Variants in CENPF observed in about 807,000 individuals in gnomAD.
CENPF encodes AH antigen.
Under a neutral mutation model 307.3 loss-of-function variants are expected in CENPF, and 214 were observed. The ratio of observed to expected loss-of-function variants is 0.70; its 90% CI spans 0.62 to 0.78. The LOEUF is 0.78. Ranked by LOEUF, CENPF falls within the 30% of genes least tolerant of loss-of-function variation. The pLI is 0.00. For missense variants in CENPF, 3,401 were observed against 3,483.9 expected, an observed-to-expected ratio of 0.98 and a Z score of 0.60; for synonymous variants, 1,259 against 1,270.6, an observed-to-expected ratio of 0.99 and a Z score of 0.19.
intron 5 of CENPF, among the ~76,000 whole-genome samples, chr1:214,620,210 T>A (rs558259626): frequency 6.6e-6 from 1 of 152,326 alleles, no homozygotes; most frequent in East Asian, 1.9e-4. Context: ...TTTTTTGGGA[T>A]AGTGATATGG....
At position 214,629,074 on chromosome 1, in the gene CENPF, A is replaced by T. The variant is rs767479446; in HGVS notation, c.1097A>T (p.Lys366Ile). The stretch of plus-strand genomic sequence containing the variant: ...ACTGCATTGGAACAAAAACTGAAAA[A>T]ATTGACGGAAGATTTGAGTTGTCAG... ...KYTALEQKLKKLTEDLSCQRQ... is the reference protein window; with the variant it reads ...KYTALEQKLKILTEDLSCQRQ... Residue 366 changes from lysine (K) to isoleucine (I), a missense_variant, in exon 8 of 20, where the codon AAA becomes ATA. Physicochemically the swap from Lys to Ile is moderately radical, Grantham distance 102. Coordinates refer to ENST00000366955, the MANE Select transcript of CENPF (RefSeq NM_016343.4). The T allele has an allele frequency of 1.9e-6, 3 of 1,610,996 alleles. No individual in the cohort carries two copies. Among genetic ancestry groups the T allele is most frequent in the African/African-American group, 1.3e-5 (1 of 74,866 alleles).
In CENPF at chr1:214,644,640, T is replaced by C; in HGVS notation, c.5070T>C (p.Val1690=). ...ETTERTPKHD[V]HQICDKDAQQ... Reference sequence around the variant, plus strand: ...CAGAAAGAACACCAAAGCATGATGTTCATCAGATTTGTGATAAAGATGCTC... The same window carrying C: ...CAGAAAGAACACCAAAGCATGATGTCCATCAGATTTGTGATAAAGATGCTC... The change falls in exon 13 of 20, where the codon GTT becomes GTC. Residue 1690 remains valine, a synonymous_variant. Coordinates refer to ENST00000366955, the MANE Select transcript of CENPF (RefSeq NM_016343.4). The C allele has an allele frequency of 6.2e-7, 1 of 1,614,072 alleles. No homozygotes were observed. The highest frequency in any genetic ancestry group is 8.5e-7 in the Non-Finnish European group (1 of 1,179,970).
Position 214,647,096 on chromosome 1 carries a change from AAGT to A in CENPF, c.7529_7531del (p.Val2510del). On this transcript the variant is annotated inframe_deletion, in exon 13 of 20. Coordinates refer to ENST00000366955, the MANE Select transcript of CENPF (RefSeq NM_016343.4). ...TCTTCAGTGAATGGCCTCATTCAAGAAGTAGAAGATGGCAAGCAGAAACTGGAG... is the reference window on the plus strand; with the variant it reads ...TCTTCAGTGAATGGCCTCATTCAAGAAGAAGATGGCAAGCAGAAACTGGAG... The A allele has an allele frequency of 6.2e-7, 1 of 1,614,066 alleles. No homozygotes were observed. Among genetic ancestry groups the A allele is most frequent in the Non-Finnish European group, 8.5e-7 (1 of 1,179,972 alleles).
chr1:214,630,627 A>C lies in CENPF; in HGVS notation c.1288A>C (p.Asn430His). The change falls in exon 9 of 20, where the codon AAT becomes CAT. Residue 430 changes from asparagine to histidine, a missense_variant. Physicochemically the swap from Asn to His is moderately conservative, Grantham distance 68. Coordinates refer to ENST00000366955, the MANE Select transcript of CENPF (RefSeq NM_016343.4). Reference sequence around the variant, plus strand: ...CACCCAGGAGTTACAGCAAGCCAAGAATATGCACAACGTCCTGCAGGCTGA... The same window carrying C: ...CACCCAGGAGTTACAGCAAGCCAAGCATATGCACAACGTCCTGCAGGCTGA... ...RLTQELQQAK[N>H]MHNVLQAELD... The C allele has an allele frequency of 6.2e-7, 1 of 1,614,180 alleles. No individual in the cohort carries two copies. The highest frequency in any genetic ancestry group is 8.5e-7 in the Non-Finnish European group (1 of 1,180,018).
In CENPF at chr1:214,645,871, G is replaced by A. The variant is rs1312123322; in HGVS notation, c.6301G>A (p.Gly2101Ser). ...KALEAALVEK[G>S]EFALRLSSTQ... ...CTTGGAGGCCGCACTGGTGGAGAAA[G>A]GTGAGTTCGCATTGAGGCTGAGCTC... The change falls in exon 13 of 20, where the codon GGT (glycine) becomes AGT (serine). Residue 2101 changes from glycine to serine, a missense_variant. Coordinates refer to ENST00000366955, the MANE Select transcript of CENPF (RefSeq NM_016343.4). The A allele has an allele frequency of 1.9e-6, 3 of 1,614,032 alleles. No individual in the cohort carries two copies. Among genetic ancestry groups the A allele is most frequent in the Admixed American group, 3.3e-5 (2 of 59,992 alleles).
Position 214,663,790 on chromosome 1 carries a change from A to G in CENPF, c.9341A>G (p.Gln3114Arg). The G allele has an allele frequency of 6.2e-7, 1 of 1,613,486 alleles. No homozygotes were observed. Among genetic ancestry groups the G allele is most frequent in the Non-Finnish European group, 8.5e-7 (1 of 1,179,672 alleles). ...ESNGSENCKV[Q>R] ...AACGGCAGTGAGAACTGTAAGGTCC[A>G]GTGAAGGCACTTTGTGTGTCAGTAC... is the stretch of plus-strand genomic sequence containing the variant. The change falls in exon 20 of 20, where the codon CAG becomes CGG. Residue 3114 changes from glutamine to arginine, a missense_variant. By Grantham distance (43) the Gln-to-Arg change is conservative. Coordinates refer to ENST00000366955, the MANE Select transcript of CENPF (RefSeq NM_016343.4).
chr1:214,640,443 A>G lies in CENPF; in HGVS notation c.2105A>G (p.Glu702Gly). 6.2e-7 allele frequency: 1 copy of G among 1,614,092 alleles called. No individual in the cohort carries two copies. ...GAGACCCAGAAACTAGCTTATATGG[A>G]GCTACAGCAGAAAGCTGAGTTCTCA... ...EVETQKLAYM[E>G]LQQKAEFSDQ... The change falls in exon 12 of 20, where the codon GAG (glutamate) becomes GGG (glycine). Residue 702 changes from glutamate (E) to glycine (G), a missense_variant. Coordinates refer to ENST00000366955, the MANE Select transcript of CENPF (RefSeq NM_016343.4).
chr1:214,642,640 G>A lies in CENPF; in HGVS notation c.4302G>A (p.Glu1434=). The change falls in exon 12 of 20, where the codon GAG becomes GAA. Residue 1434 remains glutamate, a synonymous_variant. Coordinates refer to ENST00000366955, the MANE Select transcript of CENPF (RefSeq NM_016343.4). The stretch of plus-strand genomic sequence containing the variant: ...GTCAGATGAGCTCTAAAATGTCAGA[G>A]CTGCAGACCTATGTTGACTCATTAA... ...QHCQMSSKMS[E]LQTYVDSLKA... is the part of the protein sequence containing the mutation. The A allele has an allele frequency of 6.2e-7, 1 of 1,613,912 alleles. No individual in the cohort carries two copies. Among genetic ancestry groups the A allele is most frequent in the Middle Eastern group, 1.7e-4 (1 of 6,056 alleles).
intron 1 of CENPF, chr1:214,605,894 T>G (rs1350657728): frequency 1.2e-5 from 19 of 1,597,222 alleles, no homozygotes; most frequent in Non-Finnish European, 1.5e-5. Context: ...GGACACCTTC[T>G]CGATGTTAGG....
chr1:214,604,106 C>T (rs1174402352), intron 1 of CENPF, among the ~76,000 whole-genome samples: 1 of 152,120 alleles, frequency 6.6e-6, no homozygotes, highest in African/African-American at 2.4e-5. Context: ...AGCCTTGGTA[C>T]AGTGCACGGG....
At chr1:214,630,434 G>C (rs943164951) in intron 8 of CENPF, 100 bp from the exon 9 acceptor site, 1 of 1,429,480 alleles carries the variant, frequency 7.0e-7, no homozygotes, top group Non-Finnish European at 9.6e-7. Flanking sequence ...GCTGTCTCCT[G>C]TGCTCTCTGT....
chr1:214,605,746 G>C (rs1240008564), intron 1 of CENPF: 3 of 1,594,202 alleles, frequency 1.9e-6, no homozygotes, highest in Non-Finnish European at 2.5e-6. Context: ...TGTAGAGCTC[G>C]ATGTCGTTGT....
At position 214,645,148 on chromosome 1, in the gene CENPF, G is replaced by C; in HGVS notation, c.5578G>C (p.Val1860Leu). Residue 1860 changes from valine to leucine, a missense_variant, in exon 13 of 20, where the codon GTA becomes CTA. Transcript: ENST00000366955. ...TGATCACCAGGAGTTACTCCAGAGAGTAGAAACTTCTGAAGGCCTCAATTC... is the reference window on the plus strand; with the variant it reads ...TGATCACCAGGAGTTACTCCAGAGACTAGAAACTTCTGAAGGCCTCAATTC... ...SCDHQELLQR[V>L]ETSEGLNSDL... 1 of 1,613,982 alleles carries C rather than the reference G, an allele frequency of 6.2e-7. No homozygotes were observed. Among genetic ancestry groups the C allele is most frequent in the Non-Finnish European group, 8.5e-7 (1 of 1,179,990 alleles).
chr1:214,615,977 A>G (rs1193675672), intron 3 of CENPF, among the ~76,000 whole-genome samples: 1 of 152,066 alleles, frequency 6.6e-6, no homozygotes, highest in African/African-American at 2.4e-5. Context: ...TGGTTTTAAA[A>G]TTTACACTGC....
In CENPF at chr1:214,648,752, A is replaced by G. The variant is rs756543150; in HGVS notation, c.7908A>G (p.Gln2636=). The stretch of plus-strand genomic sequence containing the variant: ...TGGCACAGAAAACAGCAGAGCTGCA[A>G]GAAGAACTCAGTGGAGAGAAAAATA... The part of the protein sequence containing the change: ...HEMAQKTAEL[Q]EELSGEKNRL... The change falls in exon 14 of 20, where the codon CAA becomes CAG. Residue 2636 remains glutamine (Q), a synonymous_variant. Coordinates refer to ENST00000366955, the MANE Select transcript of CENPF (RefSeq NM_016343.4). 10 of 1,613,932 alleles carry G rather than the reference A, an allele frequency of 6.2e-6. No individual in the cohort carries two copies. Among genetic ancestry groups the G allele is most frequent in the Non-Finnish European group, 8.5e-6 (10 of 1,179,942 alleles).
chr1:214,610,943 T>C (rs1477482666), intron 1 of CENPF, among the ~76,000 whole-genome samples: 1 of 152,222 alleles, frequency 6.6e-6, no homozygotes, highest in African/African-American at 2.4e-5. Context: ...AGGGAATCCT[T>C]TCCCCATTGT....
intron 1 of CENPF, chr1:214,608,749 G>C: frequency 5.6e-6 from 9 of 1,599,652 alleles, no homozygotes; most frequent in Non-Finnish European, 7.6e-6. Context: ...GGTGGCCTCC[G>C]GCGGCAGGAA....
At chr1:214,661,052 G>A (rs181896116) in intron 19 of CENPF, among the ~76,000 whole-genome samples, 1 of 152,150 alleles carries the variant, frequency 6.6e-6, no homozygotes, top group East Asian at 1.9e-4. Context: ...TGCATGCGGC[G>A]TTCAGACTTA....
chr1:214,628,725 C>G (rs570894063), intron 7 of CENPF, among the ~76,000 whole-genome samples: 112 of 152,332 alleles, frequency 7.4e-4, no homozygotes, highest in African/African-American at 2.3e-3. Flanking sequence ...ATGCTTGAAA[C>G]AGACTATCAT....
Sources: gnomAD v4.1 joint callset for allele counts (sites outside exome capture counted in the v4.1 genomes callset) on GRCh38, gnomAD v4.1.1 for gene constraint, MANE v1.5 for transcripts, NCBI Gene and HGNC (gene_info 2026-07-23, HGNC 2026-07-21) for gene names.